The following CEP170 variants were observed in gnomAD, a reference collection of about 807,000 sequenced individuals.
The protein encoded by CEP170 is centrosomal protein 170.
In CEP170, 21 loss-of-function variants were observed where a neutral mutation model predicts 151.9. The observed-to-expected ratio is 0.14, with a 90% CI of 0.10 to 0.20. The LOEUF is 0.20. Ranked by LOEUF, CEP170 falls within the 10% of genes least tolerant of loss-of-function variation. The pLI is 1.00. For synonymous variants in CEP170, 356 were observed against 648.8 expected (o/e 0.55, Z 6.86); for missense variants, 964 against 1,892.9 (o/e 0.51, Z 9.11).
intron 10 of CEP170, among the ~76,000 whole-genome samples, chr1:243,177,675 A>G (rs2059343162): frequency 6.6e-6 from 1 of 152,210 alleles, no homozygotes. Context: ...AATCAGGATG[A>G]TTTAAGAGGG....
At chr1:243,233,446 AT>A (rs1444731643) in intron 1 of CEP170, among the ~76,000 whole-genome samples, 2 of 152,072 alleles carry the variant, frequency 1.3e-5, no homozygotes, top group Admixed American at 6.6e-5. Flanking sequence ...TTTTAAAAAT[AT>A]TTCAGGCCAG....
Position 243,252,116 on chromosome 1 carries a change from T to C in CEP170, c.-42+2924A>G, listed in dbSNP as rs550526158. On this transcript the variant is annotated intron_variant, in intron 1 of 19. Coordinates refer to ENST00000366542, the MANE Select transcript of CEP170 (RefSeq NM_014812.3). ...CCATCAAAAGTATCCCATTTCTTAA[T>C]GAAACAGATCAACACTGAATGCTCC... Among the ~76,000 whole-genome samples, 7 of 152,248 alleles carry C rather than the reference T, an allele frequency of 4.6e-5. No individual in the cohort carries two copies. The East Asian group carries it at 1.3e-3, about 29-fold the overall frequency.
At chr1:243,134,191 T>C (rs933213783) in intron 17 of CEP170, among the ~76,000 whole-genome samples, 5 of 151,996 alleles carry the variant, frequency 3.3e-5, no homozygotes, top group Non-Finnish European at 2.9e-5. Flanking sequence ...ATAGCTAACT[T>C]AATACAAGCT....
intron 2 of CEP170, among the ~76,000 whole-genome samples, 169 bp downstream of exon 2, chr1:243,225,007 C>CT (rs888023992): frequency 5.2e-4 from 79 of 152,210 alleles, no homozygotes; most frequent in African/African-American, 1.8e-3. Context: ...AGACTTAGAA[C>CT]TTTTTTTAGA....
intron 13 of CEP170, among the ~76,000 whole-genome samples, chr1:243,159,556 TC>T (rs1184976033): frequency 6.6e-6 from 1 of 152,116 alleles, no homozygotes; most frequent in Non-Finnish European, 1.5e-5. Flanking sequence ...ATTTTAAATT[TC>T]CCCCCATCTA....
intron 4 of CEP170, among the ~76,000 whole-genome samples, chr1:243,209,199 A>C (rs1490275769): frequency 3.3e-5 from 5 of 151,994 alleles, no homozygotes; most frequent in Admixed American, 6.6e-5. Flanking sequence ...TTATTTATTT[A>C]TTTTAGACGG....
Position 243,200,846 on chromosome 1 carries a change from C to T in CEP170, c.275-11G>A. 1 of 1,600,374 alleles carries T rather than the reference C, an allele frequency of 6.2e-7. No individual in the cohort carries two copies. Among genetic ancestry groups the T allele is most frequent in the Non-Finnish European group, 8.5e-7 (1 of 1,176,274 alleles). On this transcript the variant is annotated splice_polypyrimidine_tract_variant and intron_variant, in intron 4 of 19. Coordinates refer to ENST00000366542, the MANE Select transcript of CEP170 (RefSeq NM_014812.3). ...TGAAAAGATTTGTATGTAAACGGGG[C>T]TAAGGAAGAATATAACCTCAAATTT... is the stretch of plus-strand genomic sequence containing the variant.
At chr1:243,184,831 C>A (rs2059838516) in intron 10 of CEP170, among the ~76,000 whole-genome samples, 1 of 151,974 alleles carries the variant, frequency 6.6e-6, no homozygotes, top group African/African-American at 2.4e-5. Flanking sequence ...CTGGAGATCT[C>A]ATTTCTAATG....
rs901796850 is a variant in CEP170, at chr1:243,213,110, CT to C, written c.196-1147del. Among the ~76,000 whole-genome samples, 17 of 149,516 alleles carry C rather than the reference CT, an allele frequency of 1.1e-4. No individual in the cohort carries two copies. In the Middle Eastern group the frequency reaches 0.01, roughly 91 times the overall value. Reference sequence around the variant, plus strand: ...AAAAACTAACAAGGTATTTCATATTCTTTTTTTTTTCTTTTTTTGGTACTAT... The same window carrying C: ...AAAAACTAACAAGGTATTTCATATTCTTTTTTTTTCTTTTTTTGGTACTAT... On this transcript the variant is annotated intron_variant, in intron 3 of 19. Transcript: ENST00000366542.
intron 13 of CEP170, among the ~76,000 whole-genome samples, chr1:243,156,987 G>T (rs2057619653): frequency 6.6e-6 from 1 of 151,972 alleles, no homozygotes; most frequent in Non-Finnish European, 1.5e-5. Context: ...TGCCTTTATG[G>T]CAGAAAAAAA....
chr1:243,235,229 G>A (rs2064149022), intron 1 of CEP170, among the ~76,000 whole-genome samples: 1 of 152,118 alleles, frequency 6.6e-6, no homozygotes, highest in Non-Finnish European at 1.5e-5. Context: ...AAAAAACAAA[G>A]AGGACAGGAT....
intron 7 of CEP170, among the ~76,000 whole-genome samples, chr1:243,193,032 G>A (rs2148780911): frequency 6.6e-6 from 1 of 151,932 alleles, no homozygotes; most frequent in African/African-American, 2.4e-5. Flanking sequence ...GAAAAGTATT[G>A]GAAAAACTCT....
intron 6 of CEP170, among the ~76,000 whole-genome samples, 152 bp from the exon 7 acceptor site, chr1:243,199,346 G>A (rs1027042427): frequency 6.6e-6 from 1 of 152,114 alleles, no homozygotes; most frequent in African/African-American, 2.4e-5. Flanking sequence ...AATTAACTCG[G>A]TATTTGTGGA....
intron 1 of CEP170, among the ~76,000 whole-genome samples, chr1:243,231,629 T>C (rs2063769130): frequency 1.3e-5 from 2 of 152,088 alleles, no homozygotes; most frequent in Admixed American, 6.5e-5. Context: ...TCAAACTAGG[T>C]TTATAAGTTT....
At position 243,172,850 on chromosome 1, in the gene CEP170, G is replaced by T; in HGVS notation, c.1567-4C>A. The T allele has an allele frequency of 2.6e-6, 4 of 1,537,994 alleles. No homozygotes were observed. The highest frequency in any genetic ancestry group is 2.6e-6 in the Non-Finnish European group (3 of 1,145,308). Reference sequence around the variant, plus strand: ...GATTGTCATCTACTCCAAACACCTAGAGGGAAAAATTATTTTATAAATGAA... The same window carrying T: ...GATTGTCATCTACTCCAAACACCTATAGGGAAAAATTATTTTATAAATGAA... On this transcript the variant is annotated splice_region_variant and splice_polypyrimidine_tract_variant and intron_variant, in intron 10 of 19. Transcript: ENST00000366542.
In CEP170 at chr1:243,165,723, G is replaced by T; in HGVS notation, c.2237C>A (p.Ala746Glu). 2 of 1,614,062 alleles carry T rather than the reference G, an allele frequency of 1.2e-6. No homozygotes were observed. Among genetic ancestry groups the T allele is most frequent in the Non-Finnish European group, 1.7e-6 (2 of 1,179,894 alleles). Residue 746 changes from alanine to glutamate, a missense_variant, in exon 13 of 20, where the codon GCA (alanine) becomes GAA (glutamate). By Grantham distance (107) the Ala-to-Glu change is moderately radical (BLOSUM62 -1). Coordinates refer to ENST00000366542, the MANE Select transcript of CEP170 (RefSeq NM_014812.3). ...KETSLVKQTL[A>E]KLQQQEQREE... Reference sequence around the variant, plus strand: ...CCTTTGTTCTTGTTGTTGAAGTTTTGCTAATGTTTGCTTTACCAAAGAAGT... The same window carrying T: ...CCTTTGTTCTTGTTGTTGAAGTTTTTCTAATGTTTGCTTTACCAAAGAAGT...
intron 10 of CEP170, among the ~76,000 whole-genome samples, chr1:243,177,875 C>A (rs1572060807): frequency 6.6e-6 from 1 of 152,146 alleles, no homozygotes; most frequent in African/African-American, 2.4e-5. Flanking sequence ...TCAGGAGAGA[C>A]ATTTTATAAT....
chr1:243,226,944 A>G (rs2063346081), intron 1 of CEP170, among the ~76,000 whole-genome samples: 2 of 152,216 alleles, frequency 1.3e-5, no homozygotes, highest in African/African-American at 4.8e-5. Flanking sequence ...AGCTGAGATC[A>G]CGCCACTGCA....
chr1:243,195,247 T>A (rs2060567522), intron 7 of CEP170, among the ~76,000 whole-genome samples: 1 of 151,714 alleles, frequency 6.6e-6, no homozygotes, highest in African/African-American at 2.4e-5. Flanking sequence ...AAATCTATGA[T>A]TCCCAGTTGC....
Sources: gnomAD v4.1 joint callset for allele counts (sites outside exome capture counted in the v4.1 genomes callset) on GRCh38, gnomAD v4.1.1 for gene constraint, MANE v1.5 for transcripts, NCBI Gene and HGNC (gene_info 2026-07-23, HGNC 2026-07-21) for gene names.